XCR1: variants seen among roughly 807,000 people sequenced by gnomAD.
XCR1 encodes the protein X-C motif chemokine receptor 1.
For synonymous variants in XCR1, 187 were observed against 188.5 expected, an observed-to-expected ratio of 0.99 and a Z score of 0.06; for missense variants, 356 against 424.2, an observed-to-expected ratio of 0.84 and a Z score of 1.41.
chr3:46,035,646 A>G (rs556748407), intron 5 of XCR1, among the ~76,000 whole-genome samples: 9 of 152,302 alleles, frequency 5.9e-5, no homozygotes, highest in South Asian at 2.1e-4. Flanking sequence ...CTGATTGCCT[A>G]TGAAGAACTG....
At chr3:46,028,403 C>A (rs932048994), upstream of XCR1, among the ~76,000 whole-genome samples, 2 of 151,540 alleles carry the variant, frequency 1.3e-5, no homozygotes, top group Admixed American at 6.6e-5. Context: ...CTATTCAGAA[C>A]CTTTGCCTTT....
chr3:46,074,081 C>A (rs1698209696), intron 3 of XCR1, among the ~76,000 whole-genome samples: 1 of 151,936 alleles, frequency 6.6e-6, no homozygotes, highest in Non-Finnish European at 1.5e-5. Flanking sequence ...GGGTATCTAC[C>A]CAAAGGAAAA....
chr3:46,083,007 G>C (rs753499326), intron 1 of XCR1, among the ~76,000 whole-genome samples: 5 of 152,076 alleles, frequency 3.3e-5, no homozygotes, highest in Admixed American at 6.5e-5. Flanking sequence ...CACAACTCAG[G>C]GCCACATAAA....
intron 4 of XCR1, among the ~76,000 whole-genome samples, chr3:46,066,080 C>T (rs966503778): frequency 2.0e-5 from 3 of 152,026 alleles, no homozygotes; most frequent in South Asian, 2.1e-4. Flanking sequence ...GTGGAGGGAG[C>T]GAGGGTAGTA....
At chr3:46,071,489 A>G (rs1698163249) in intron 3 of XCR1, among the ~76,000 whole-genome samples, 1 of 152,196 alleles carries the variant, frequency 6.6e-6, no homozygotes, top group Admixed American at 6.5e-5. Context: ...CTGATACTAA[A>G]GACAAGGATA....
At chr3:46,080,456 G>A (rs191075276) in intron 1 of XCR1, among the ~76,000 whole-genome samples, 1 of 152,188 alleles carries the variant, frequency 6.6e-6, no homozygotes, top group Admixed American at 6.5e-5. Flanking sequence ...CAGCTACTTG[G>A]GAGGCTGAGG....
chr3:46,030,734 T>TG (rs1034437321), upstream of XCR1, among the ~76,000 whole-genome samples: 4 of 152,168 alleles, frequency 2.6e-5, no homozygotes, highest in African/African-American at 9.6e-5. Flanking sequence ...GGAGCAGCAG[T>TG]GGGGGTGGTG....
At chr3:46,022,712 C>T (rs1174635028) in intron 1 of XCR1, among the ~76,000 whole-genome samples, 1 of 152,128 alleles carries the variant, frequency 6.6e-6, no homozygotes, top group Non-Finnish European at 1.5e-5. Flanking sequence ...CTTGTTAAGA[C>T]AAACACCAAA....
intron 5 of XCR1, among the ~76,000 whole-genome samples, chr3:46,049,430 T>G (rs1480094862): frequency 1.3e-5 from 2 of 152,148 alleles, no homozygotes; most frequent in Non-Finnish European, 2.9e-5. Flanking sequence ...CAGGAAGTTG[T>G]GTGTGAGAAT....
At chr3:46,074,048 T>C (rs772487426) in intron 3 of XCR1, among the ~76,000 whole-genome samples, 2 of 152,060 alleles carry the variant, frequency 1.3e-5, no homozygotes, top group Non-Finnish European at 2.9e-5. Flanking sequence ...AGAACTACCA[T>C]TGAATCCAGC....
chr3:46,075,329 A>C (rs942782692), intron 2 of XCR1, among the ~76,000 whole-genome samples: 54 of 150,218 alleles, frequency 3.6e-4, no homozygotes, highest in Non-Finnish European at 6.8e-4. Context: ...AAAAAAAAAA[A>C]ACAACAAAAA....
chr3:46,082,552 A>G (rs1698391779), intron 1 of XCR1, among the ~76,000 whole-genome samples: 1 of 138,864 alleles, frequency 7.2e-6, no homozygotes, highest in Non-Finnish European at 1.5e-5. Context: ...ATGTAGTAAC[A>G]TGATCATAAC....
intron 5 of XCR1, among the ~76,000 whole-genome samples, chr3:46,047,976 G>A (rs1427575660): frequency 6.6e-6 from 1 of 152,188 alleles, no homozygotes; most frequent in Non-Finnish European, 1.5e-5. Context: ...CGACTGGGCC[G>A]GGAATGGTTG....
rs1697421169 is a variant in XCR1 at position 46,035,830 on chromosome 3, CTTGTTTGTAA to C, written c.-31-13862_-31-13853del. The stretch of plus-strand genomic sequence containing the variant: ...GTTTCACTACGGACACTCTTGGGGG[CTTGTTTGTAA>C]TTGTTTGTGTGTGTGTCCAGGCAAG... On this transcript the variant is annotated intron_variant, in intron 5 of 5. Transcript: ENST00000683768. Among the ~76,000 whole-genome samples the C allele has an allele frequency of 3.3e-5, 5 of 152,012 alleles. No individual in the cohort carries two copies. In the South Asian group the frequency reaches 1.0e-3, roughly 32 times the overall value.
At chr3:46,028,984 G>A (rs561656252), upstream of XCR1, among the ~76,000 whole-genome samples, 8 of 152,130 alleles carry the variant, frequency 5.3e-5, no homozygotes, top group Non-Finnish European at 1.2e-4. Context: ...GCCTAGTCAG[G>A]TTATAGGGAT....
chr3:46,040,233 A>T lies in XCR1; in HGVS notation c.-32+13687T>A, dbSNP rs184907721. Among the ~76,000 whole-genome samples the T allele has an allele frequency of 8.5e-5, 13 of 152,260 alleles. No individual in the cohort carries two copies. In the Middle Eastern group the frequency reaches 0.017, roughly 199 times the overall value. ...GACTCCTCTTTATCAAAGAGTAAAC[A>T]TTTTATATTATAATTTTGGCTAAAT... is the stretch of plus-strand genomic sequence containing the variant. On this transcript the variant is annotated intron_variant, in intron 5 of 5. Transcript: ENST00000683768.
At chr3:46,051,654 G>T (rs537793051) in intron 5 of XCR1, among the ~76,000 whole-genome samples, 4 of 152,342 alleles carry the variant, frequency 2.6e-5, no homozygotes, top group Admixed American at 6.5e-5. Context: ...GTGGAGAAGG[G>T]TGTAATTTGC....
chr3:46,045,811 T>G lies in XCR1; in HGVS notation c.-32+8109A>C, dbSNP rs1429681070. Among the ~76,000 whole-genome samples the G allele has an allele frequency of 3.9e-5, 6 of 152,264 alleles. No homozygotes were observed. In the South Asian group the frequency reaches 8.3e-4, roughly 21 times the overall value. ...ACCTCTATAGAAAATAGTATGGAGA[T>G]TTCTTAAAGAACCAAACATAAAGCT... On this transcript the variant is annotated intron_variant, in intron 5 of 5. Coordinates refer to the XCR1 transcript ENST00000683768.
rs1292372250 is a variant in XCR1, at chr3:46,017,425, C to G, written c.*3521G>C. ...AGATGATGTTTAGGCCGGTGGGCCC[C>G]AGACAAGTTCACAAGAAGCTCATGG... is the stretch of plus-strand genomic sequence containing the variant. On this transcript the variant is annotated 3_prime_UTR_variant, in exon 2 of 2. Transcript: ENST00000309285. 1 of 152,174 alleles carries G rather than the reference C, an allele frequency of 6.6e-6. No individual in the cohort carries two copies. The highest frequency in any genetic ancestry group is 2.4e-5 in the African/African-American group (1 of 41,454). 9.4% of individuals were successfully genotyped at this position (152,174 alleles called of 1,614,324 possible). A position where few individuals can be genotyped will look rare whatever the true frequency, so the allele number is the denominator to read the frequency against.
Sources: allele counts gnomAD v4.1 joint callset (sites outside exome capture counted in the v4.1 genomes callset), GRCh38; gene constraint gnomAD v4.1.1; transcripts MANE v1.5; gene names NCBI Gene and HGNC (gene_info 2026-07-23, HGNC 2026-07-21).